Variants in TMEM233 observed in about 807,000 individuals in gnomAD.
The protein encoded by TMEM233 is dispanin subfamily B member 2.
TMEM233 carries 6 observed loss-of-function variants against 11.2 expected under a neutral mutation model. The ratio of observed to expected loss-of-function variants is 0.54; its 90% CI spans 0.29 to 1.06. The LOEUF (loss-of-function observed/expected upper bound fraction) is 1.06, where lower values mean the gene tolerates loss of function less well. TMEM233 is among the 50% of genes least tolerant of loss of function. TMEM233 has a pLI of 0.08. For synonymous variants in TMEM233, 59 were observed against 55.8 expected (o/e 1.06, Z -0.26); for missense variants, 127 against 144.7 (o/e 0.88, Z 0.63).
chr12:119,606,034 G>A (rs549203477), intron 1 of TMEM233, among the ~76,000 whole-genome samples: 36 of 152,286 alleles, frequency 2.4e-4, no homozygotes, highest in African/African-American at 7.2e-4. Context: ...TGCCCAGCAC[G>A]ACTTTTAGGT....
chr12:119,597,060 T>C (rs374182956), intron 1 of TMEM233, among the ~76,000 whole-genome samples: 1 of 152,188 alleles, frequency 6.6e-6, no homozygotes, highest in Non-Finnish European at 1.5e-5. Flanking sequence ...CCCATTGATA[T>C]ATAGTGCAGC....
At position 119,637,552 on chromosome 12, in the gene TMEM233, C is replaced by T. The variant is rs112337222; in HGVS notation, c.324-3147C>T. Among the ~76,000 whole-genome samples the T allele has an allele frequency of 1.1e-3, 172 of 152,308 alleles. 1 individual carries two copies. Among genetic ancestry groups the T allele is most frequent in the African/African-American group, 3.8e-3 (159 of 41,572 alleles). ...GTGGAACTTGACCTTTTTGCAAAAG[C>T]TTAAAAGCAAATCCCTCTTCTTTTC... On this transcript the variant is annotated intron_variant, in intron 2 of 2. Transcript: ENST00000426426.
chr12:119,640,067 C>T (rs1955051782), intron 2 of TMEM233, among the ~76,000 whole-genome samples: 1 of 152,240 alleles, frequency 6.6e-6, no homozygotes, highest in African/African-American at 2.4e-5. Context: ...CTGCTAACAG[C>T]ACTACTATAC....
intron 1 of TMEM233, among the ~76,000 whole-genome samples, chr12:119,624,715 T>C (rs1468060035): frequency 1.3e-5 from 2 of 152,182 alleles, no homozygotes; most frequent in African/African-American, 4.8e-5. Flanking sequence ...TTTACAGGTA[T>C]GGAGTTTCCA....
In TMEM233 at chr12:119,593,875, C is replaced by T; in HGVS notation, c.27C>T (p.Asp9=). The T allele has an allele frequency of 6.4e-7, 1 of 1,551,710 alleles. No homozygotes were observed. Among genetic ancestry groups the T allele is most frequent in the Non-Finnish European group, 8.7e-7 (1 of 1,146,970 alleles). Residue 9 remains aspartate, a synonymous_variant, in exon 1 of 3, where the codon GAC becomes GAT. Transcript: ENST00000426426. The surrounding 1 kb of genome is among the most constrained non-coding windows in gnomAD (Gnocchi z 4.1). MSQYAPSP[D]FKRALDSSPE... ...TGTCTCAGTACGCCCCTAGCCCGGACTTCAAGAGGGCTTTGGACAGCAGTC... is the reference window on the plus strand; with the variant it reads ...TGTCTCAGTACGCCCCTAGCCCGGATTTCAAGAGGGCTTTGGACAGCAGTC...
rs577188714 is a variant in TMEM233 at position 119,631,606 on chromosome 12, C to T, written c.323+1734C>T. On this transcript the variant is annotated intron_variant, in intron 2 of 2. Coordinates refer to ENST00000426426, the MANE Select transcript of TMEM233 (RefSeq NM_001136534.3). ...TGGTTGGAGAATACACGTGAATGAA[C>T]CTGACTATATTCTTAAGAGAAGGTG... The T allele has an allele frequency of 3.0e-6, 3 of 985,376 alleles. No individual in the cohort carries two copies. The South Asian group carries it at 1.4e-4, about 46-fold the overall frequency. 61.0% of individuals were successfully genotyped at this position (985,376 alleles called of 1,614,324 possible).
intron 1 of TMEM233, among the ~76,000 whole-genome samples, chr12:119,626,599 A>G (rs564297226): frequency 1.8e-4 from 22 of 120,598 alleles, no homozygotes; most frequent in South Asian, 1.1e-3. Flanking sequence ...GAGAAGAGAA[A>G]AAAGAAAAGA....
downstream of TMEM233, among the ~76,000 whole-genome samples, chr12:119,644,706 T>G (rs1211746889): frequency 6.8e-6 from 1 of 146,588 alleles, no homozygotes; most frequent in African/African-American, 2.8e-5. Context: ...CTCGAACTCC[T>G]GACCTCAGGT....
chr12:119,638,475 CA>C (rs1434998471), intron 2 of TMEM233, among the ~76,000 whole-genome samples: 2 of 151,848 alleles, frequency 1.3e-5, no homozygotes, highest in African/African-American at 4.8e-5. Context: ...AAAATTAAAA[CA>C]AAAAAATTTT....
At chr12:119,626,328 C>T (rs975026161) in intron 1 of TMEM233, among the ~76,000 whole-genome samples, 9 of 151,776 alleles carry the variant, frequency 5.9e-5, no homozygotes, top group East Asian at 3.9e-4. Context: ...AAATTTGCCA[C>T]GCGTGGTGGC....
chr12:119,638,356 G>C (rs1955008361), intron 2 of TMEM233, among the ~76,000 whole-genome samples: 2 of 152,172 alleles, frequency 1.3e-5, no homozygotes, highest in African/African-American at 4.8e-5. Flanking sequence ...CCAGCTACTT[G>C]GGAGGCTCAG....
At chr12:119,635,742 G>A (rs1954960486) in intron 2 of TMEM233, among the ~76,000 whole-genome samples, 1 of 152,200 alleles carries the variant, frequency 6.6e-6, no homozygotes, top group Non-Finnish European at 1.5e-5. Context: ...CTGGCTCTTA[G>A]TTGGAGATTT....
chr12:119,609,916 G>A (rs1954361836), intron 1 of TMEM233, among the ~76,000 whole-genome samples: 2 of 152,236 alleles, frequency 1.3e-5, no homozygotes, highest in African/African-American at 2.4e-5. Flanking sequence ...GCCTAGTGGA[G>A]CTATGAGAAG....
chr12:119,648,388 T>C, the TMEM233 span, among the ~76,000 whole-genome samples: 1 of 152,258 alleles, frequency 6.6e-6, no homozygotes, highest in Admixed American at 6.5e-5. Flanking sequence ...AGATACTCTA[T>C]AGCTATTTGC....
At position 119,595,143 on chromosome 12, in the gene TMEM233, G is replaced by C. The variant is rs1007550052; in HGVS notation, c.186+1109G>C. On this transcript the variant is annotated intron_variant, in intron 1 of 2. Coordinates refer to ENST00000426426, the MANE Select transcript of TMEM233 (RefSeq NM_001136534.3). This position sits in a 1 kb window ranked among gnomAD's most constrained non-coding sequence, Gnocchi z 4.3. Reference sequence around the variant, plus strand: ...GAGCGAACCCCACCAGGAGGGCGACGAGCGCCTGCTAGGCCCTCGCCTTAT... The same window carrying C: ...GAGCGAACCCCACCAGGAGGGCGACCAGCGCCTGCTAGGCCCTCGCCTTAT... 2.4e-4 allele frequency among the ~76,000 whole-genome samples: 37 copies of C among 152,330 alleles called. No homozygotes were observed. The highest frequency in any genetic ancestry group is 8.2e-4 in the African/African-American group (34 of 41,574).
At chr12:119,625,731 C>T (rs1026691727) in intron 1 of TMEM233, among the ~76,000 whole-genome samples, 2 of 152,040 alleles carry the variant, frequency 1.3e-5, no homozygotes, top group African/African-American at 4.8e-5. Context: ...ACATTTTTTG[C>T]CATTTTTATT....
At chr12:119,601,481 C>G (rs1268604725) in intron 1 of TMEM233, among the ~76,000 whole-genome samples, 1 of 151,786 alleles carries the variant, frequency 6.6e-6, no homozygotes, top group Non-Finnish European at 1.5e-5. Context: ...ACGGTGAAAC[C>G]CTGTCTCTAC....
Position 119,629,727 on chromosome 12 carries a change from G to A in TMEM233, c.187-9G>A. 6.5e-7 allele frequency: 1 copy of A among 1,548,480 alleles called. No individual in the cohort carries two copies. Among genetic ancestry groups the A allele is most frequent in the Non-Finnish European group, 8.7e-7 (1 of 1,145,734 alleles). On this transcript the variant is annotated splice_polypyrimidine_tract_variant and intron_variant, in intron 1 of 2. Transcript: ENST00000426426. The stretch of plus-strand genomic sequence containing the variant: ...CTGTCATCACCAGCTCTTCCCTTCT[G>A]TCCCCCAGTCTCTGAACAGCTACAA...
intron 1 of TMEM233, among the ~76,000 whole-genome samples, chr12:119,606,504 AG>A (rs1386216982): frequency 6.6e-6 from 1 of 152,252 alleles, no homozygotes; most frequent in African/African-American, 2.4e-5. Flanking sequence ...CGTTGTTTGA[AG>A]AAAAAAACAT....
Sources: gnomAD v4.1 joint callset for allele counts (sites outside exome capture counted in the v4.1 genomes callset) on GRCh38, gnomAD v4.1.1 for gene constraint, Gnocchi (gnomAD v3.1) non-coding constraint, MANE v1.5 for transcripts, NCBI Gene and HGNC (gene_info 2026-07-23, HGNC 2026-07-21) for gene names.